THNSL1: variants seen among roughly 807,000 people sequenced by gnomAD.
The protein encoded by THNSL1 is threonine synthase like 1, also known as threonine synthase-like 1.
THNSL1 carries 48 observed loss-of-function variants against 50.4 expected under a neutral mutation model. The ratio of observed to expected loss-of-function variants is 0.95; its 90% CI spans 0.76 to 1.21. The LOEUF (loss-of-function observed/expected upper bound fraction) is 1.21. Among genes scored for constraint, THNSL1 ranks in the 50% most tolerant of loss-of-function variants. The pLI is 0.00. For synonymous variants in THNSL1, 309 were observed against 306.1 expected, an observed-to-expected ratio of 1.01 and a Z score of -0.10; for missense variants, 896 against 871.7, an observed-to-expected ratio of 1.03 and a Z score of -0.35.
the THNSL1 span, among the ~76,000 whole-genome samples, chr10:24,966,058 A>G: frequency 6.6e-6 from 1 of 152,234 alleles, no homozygotes; most frequent in Admixed American, 6.5e-5. Flanking sequence ...TAGTATTTGG[A>G]TATTGACTCA....
the THNSL1 span, among the ~76,000 whole-genome samples, chr10:24,981,502 A>G: frequency 2.0e-5 from 3 of 152,210 alleles, no homozygotes; most frequent in African/African-American, 7.2e-5. Context: ...AAGTGGTTCA[A>G]ACAAGTCCTC....
upstream of THNSL1, chr10:25,015,836 G>A: frequency 6.3e-7 from 1 of 1,578,342 alleles, no homozygotes; most frequent in Non-Finnish European, 8.6e-7. Flanking sequence ...TGTTTCAAGT[G>A]ATAGTCTTTG....
chr10:25,013,614 G>T (rs2132725603), upstream of THNSL1, among the ~76,000 whole-genome samples: 1 of 152,314 alleles, frequency 6.6e-6, no homozygotes, highest in South Asian at 2.1e-4. Context: ...GGAAAGAGGG[G>T]ATGACTGGAG....
chr10:25,007,450 A>C, the THNSL1 span, among the ~76,000 whole-genome samples: 69,057 of 151,924 alleles, frequency 0.45, 16,891 homozygotes, highest in African/African-American at 0.65. Context: ...TTGTTTATTT[A>C]TTGAGATGGA....
At chr10:24,987,107 T>C in the THNSL1 span, among the ~76,000 whole-genome samples, 1 of 152,220 alleles carries the variant, frequency 6.6e-6, no homozygotes, top group South Asian at 2.1e-4. Context: ...GAGAGTGAGG[T>C]TGGGGCATTT....
the THNSL1 span, among the ~76,000 whole-genome samples, chr10:24,993,982 G>A: frequency 6.6e-6 from 1 of 152,136 alleles, no homozygotes; most frequent in Non-Finnish European, 1.5e-5. Context: ...GTGGGACAAC[G>A]ACTATAAAAC....
chr10:25,003,852 G>A, the THNSL1 span, among the ~76,000 whole-genome samples: 5 of 152,108 alleles, frequency 3.3e-5, no homozygotes, highest in African/African-American at 1.2e-4. Context: ...ATAGGCCCCA[G>A]GGTGTGTTGT....
rs137903766 is a variant in THNSL1 at position 25,021,842 on chromosome 10, A to G, written c.-115A>G. On this transcript the variant is annotated 5_prime_UTR_variant, in exon 2 of 3. Coordinates refer to ENST00000376356, the MANE Select transcript of THNSL1 (RefSeq NM_024838.5). Reference sequence around the variant, plus strand: ...TTACAAGTCAGTGGAAATTAAGCACAACACATATAAATTGAAAAGTCAAAT... The same window carrying G: ...TTACAAGTCAGTGGAAATTAAGCACGACACATATAAATTGAAAAGTCAAAT... The G allele has an allele frequency of 3.6e-4, 55 of 152,322 alleles. No homozygotes were observed. The East Asian group carries it at 9.1e-3, about 25-fold the overall frequency. 9.4% of individuals were successfully genotyped at this position (152,322 alleles called of 1,614,324 possible).
At position 25,025,602 on chromosome 10, in the gene THNSL1, C is replaced by A; in HGVS notation, c.*147C>A. Reference sequence around the variant, plus strand: ...TCAAAAGTCTGATCTCTAGGGCTGACATGAGAACTCCATGTCACCTCCTCA... The same window carrying A: ...TCAAAAGTCTGATCTCTAGGGCTGAAATGAGAACTCCATGTCACCTCCTCA... On this transcript the variant is annotated 3_prime_UTR_variant, in exon 3 of 3. Transcript: ENST00000376356. 1.3e-6 allele frequency: 1 copy of A among 747,916 alleles called. No homozygotes were observed. The highest frequency in any genetic ancestry group is 2.2e-6 in the Non-Finnish European group (1 of 462,676). The allele number at this position is 747,916 out of a possible 1,614,324, so 46.3% of individuals were successfully genotyped here.
the THNSL1 span, among the ~76,000 whole-genome samples, chr10:24,962,306 C>T: frequency 6.6e-6 from 1 of 152,066 alleles, no homozygotes. Context: ...GTGATGGGTT[C>T]TGAATTAAGA....
chr10:24,981,284 A>G, the THNSL1 span, among the ~76,000 whole-genome samples: 1 of 152,138 alleles, frequency 6.6e-6, no homozygotes, highest in African/African-American at 2.4e-5. Context: ...GTTGGACACA[A>G]CCTTGCAGAC....
chr10:24,957,121 G>T, the THNSL1 span, among the ~76,000 whole-genome samples: 1 of 152,042 alleles, frequency 6.6e-6, no homozygotes, highest in African/African-American at 2.4e-5. Flanking sequence ...CTATAACCTA[G>T]TACCTACTAA....
the THNSL1 span, among the ~76,000 whole-genome samples, chr10:24,964,800 C>T: frequency 3.9e-4 from 60 of 152,296 alleles, no homozygotes; most frequent in African/African-American, 1.3e-3. Flanking sequence ...GCGTGGCTCA[C>T]GCCTGTAATC....
Position 25,023,218 on chromosome 10 carries a change from A to G in THNSL1, c.-6A>G. ...AGGTTGGCTTGGGCAGAAAAGTGAA[A>G]AGAGAATGCTCCACTTTAACCGATG... On this transcript the variant is annotated 5_prime_UTR_variant, in exon 3 of 3. Coordinates refer to ENST00000376356, the MANE Select transcript of THNSL1 (RefSeq NM_024838.5). 6.3e-7 allele frequency: 1 copy of G among 1,599,270 alleles called. No homozygotes were observed. The highest frequency in any genetic ancestry group is 2.2e-5 in the East Asian group (1 of 44,690).
rs1353959542 is a variant in THNSL1 at position 25,025,391 on chromosome 10, G to C, written c.2168G>C (p.Cys723Ser). Residue 723 changes from cysteine (C) to serine (S), a missense_variant, in exon 3 of 3, where the codon TGT (cysteine) becomes TCT (serine). Cys to Ser is a moderately radical substitution (Grantham distance 112, BLOSUM62 -1). Coordinates refer to ENST00000376356, the MANE Select transcript of THNSL1 (RefSeq NM_024838.5). ...CAAGAGAAGATGGAGTACCAGGTCT[G>C]TGCAGCTGATATGAATGTCTTGAAG... ...KQQEKMEYQV[C>S]AADMNVLKSH... The C allele has an allele frequency of 3.1e-6, 5 of 1,614,084 alleles. No homozygotes were observed. Among genetic ancestry groups the C allele is most frequent in the East Asian group, 2.2e-5 (1 of 44,904 alleles).
At chr10:24,996,176 G>A in the THNSL1 span, among the ~76,000 whole-genome samples, 10 of 152,188 alleles carry the variant, frequency 6.6e-5, no homozygotes, top group African/African-American at 1.2e-4. Flanking sequence ...GGCCGGGCAC[G>A]GTGGCCCACG....
At chr10:24,978,280 G>T in the THNSL1 span, among the ~76,000 whole-genome samples, 1 of 148,592 alleles carries the variant, frequency 6.7e-6, no homozygotes, top group Non-Finnish European at 1.5e-5. Flanking sequence ...TGAACACATA[G>T]TTTTTTTTTT....
chr10:24,986,878 G>C, the THNSL1 span, among the ~76,000 whole-genome samples: 1,143 of 152,162 alleles, frequency 7.5e-3, 41 homozygotes, highest in East Asian at 0.074. Context: ...TTCCCTTATT[G>C]TTAATTCTTA....
At position 25,024,736 on chromosome 10, in the gene THNSL1, T is replaced by C; in HGVS notation, c.1513T>C (p.Cys505Arg). 2 of 1,614,214 alleles carry C rather than the reference T, an allele frequency of 1.2e-6. No individual in the cohort carries two copies. ...TTCTTTTGGAAGCCCAGTCGATGTCTGTATTCCCACAGGAAACTTTGGTAA... is the reference window on the plus strand; with the variant it reads ...TTCTTTTGGAAGCCCAGTCGATGTCCGTATTCCCACAGGAAACTTTGGTAA... The part of the protein sequence containing the change: ...FISFGSPVDV[C>R]IPTGNFGNIL... The change falls in exon 3 of 3, where the codon TGT becomes CGT. Residue 505 changes from cysteine to arginine, a missense_variant. Coordinates refer to ENST00000376356, the MANE Select transcript of THNSL1 (RefSeq NM_024838.5).
Sources: allele counts gnomAD v4.1 joint callset (sites outside exome capture counted in the v4.1 genomes callset), GRCh38; gene constraint gnomAD v4.1.1; transcripts MANE v1.5; gene names NCBI Gene and HGNC (gene_info 2026-07-23, HGNC 2026-07-21).